Variants in SDK1 observed in about 807,000 individuals in gnomAD.
The protein encoded by SDK1 is sidekick cell adhesion molecule 1, also known as protein sidekick-1.
Under a neutral mutation model 245.5 loss-of-function variants are expected in SDK1, and 157 were observed. The observed-to-expected ratio is 0.64, with a 90% CI of 0.56 to 0.73. The LOEUF is 0.73. Ranked by LOEUF, SDK1 falls within the 30% of genes least tolerant of loss-of-function variation. SDK1 has a pLI of 0.00. For synonymous variants in SDK1, 1,647 were observed against 1,278.5 expected (o/e 1.29, Z -6.15); for missense variants, 3,583 against 3,002.3 (o/e 1.19, Z -4.52).
intron 44 of SDK1, among the ~76,000 whole-genome samples, chr7:4,259,778 G>C (rs1419976484): frequency 6.6e-6 from 1 of 152,184 alleles, no homozygotes; most frequent in African/African-American, 2.4e-5. Context: ...ATTTGGAATG[G>C]AGGGTTGTAC....
chr7:3,971,444 T>G, intron 11 of SDK1, 22 bp from the exon 12 acceptor site: 5 of 1,555,022 alleles, frequency 3.2e-6, no homozygotes, highest in Non-Finnish European at 2.7e-6. Flanking sequence ...TTCGTCTGAC[T>G]CGTGACTTGT....
chr7:3,980,735 A>G (rs753527092), intron 13 of SDK1, among the ~76,000 whole-genome samples: 17 of 152,196 alleles, frequency 1.1e-4, no homozygotes, highest in Non-Finnish European at 2.2e-4. Context: ...CGAGGTCAAG[A>G]TTTCAAGACC....
At chr7:4,119,878 G>A (rs1472934445) in intron 25 of SDK1, among the ~76,000 whole-genome samples, 1 of 148,942 alleles carries the variant, frequency 6.7e-6, no homozygotes, top group Non-Finnish European at 1.5e-5. Context: ...ATACATACAA[G>A]TCTGAGAGAA....
intron 1 of SDK1, among the ~76,000 whole-genome samples, chr7:3,572,566 C>G (rs1008335476): frequency 1.3e-5 from 2 of 152,002 alleles, no homozygotes; most frequent in Non-Finnish European, 1.5e-5. Context: ...CCTAGCAAAT[C>G]GTCTCACTGT....
chr7:3,848,254 G>A (rs1780330669), intron 5 of SDK1, among the ~76,000 whole-genome samples: 2 of 152,216 alleles, frequency 1.3e-5, no homozygotes, highest in African/African-American at 4.8e-5. Context: ...GGGCATTTAT[G>A]TTTTGGGGTC....
chr7:3,748,861 C>G (rs1356350738), intron 4 of SDK1, among the ~76,000 whole-genome samples: 2 of 152,108 alleles, frequency 1.3e-5, no homozygotes, highest in African/African-American at 2.4e-5. Context: ...ACAGCATCAC[C>G]GTTGTTCAGG....
intron 1 of SDK1, among the ~76,000 whole-genome samples, chr7:3,339,046 CTG>C (rs1780276987): frequency 6.6e-6 from 1 of 152,158 alleles, no homozygotes; most frequent in African/African-American, 2.4e-5. Flanking sequence ...ACATCCAAAA[CTG>C]TGTTGTTCAA....
intron 4 of SDK1, among the ~76,000 whole-genome samples, chr7:3,714,996 A>G (rs147096956): frequency 3.3e-5 from 5 of 152,216 alleles, no homozygotes; most frequent in African/African-American, 9.6e-5. Context: ...TTAAAACTCA[A>G]TTAAGTAAAA....
chr7:3,910,951 C>G (rs907753511), intron 5 of SDK1, among the ~76,000 whole-genome samples: 1 of 152,214 alleles, frequency 6.6e-6, no homozygotes, highest in Non-Finnish European at 1.5e-5. Flanking sequence ...TCTCCCCAAG[C>G]TCAGGCGTGC....
Position 4,245,809 on chromosome 7 carries a change from A to G in SDK1, c.6381+4A>G, listed in dbSNP as rs765321288. 1.9e-6 allele frequency: 3 copies of G among 1,613,652 alleles called. No individual in the cohort carries two copies. In the South Asian group the frequency reaches 3.3e-5, roughly 18 times the overall value. ...GGCAGATGCATCAGAATCTGAGGTC[A>G]GTGTCGGTGCCTACTTCCGGGCAGT... On this transcript the variant is annotated splice_donor_region_variant and intron_variant, in intron 44 of 44. Transcript: ENST00000404826.
intron 22 of SDK1, among the ~76,000 whole-genome samples, chr7:4,108,609 C>T (rs1783112436): frequency 2.0e-5 from 3 of 151,288 alleles, no homozygotes; most frequent in South Asian, 2.1e-4. Context: ...ACCTCCAGCT[C>T]GTTCTCTACC....
At chr7:3,657,162 T>A (rs917344156) in intron 4 of SDK1, among the ~76,000 whole-genome samples, 1 of 151,828 alleles carries the variant, frequency 6.6e-6, no homozygotes, top group Non-Finnish European at 1.5e-5. Context: ...TCAAGAAGAG[T>A]CACAGGGTGT....
chr7:3,672,865 C>G (rs1783762419), intron 4 of SDK1, among the ~76,000 whole-genome samples: 2 of 141,122 alleles, frequency 1.4e-5, no homozygotes, highest in Non-Finnish European at 3.0e-5. Context: ...AATGAGGGCC[C>G]CATCCCCACC....
rs776772572 is a variant in SDK1, at chr7:4,162,369, G to GTTGTTGTTATTA, written c.4800+515_4800+516insGTTGTTATTATT. ...GGTGGTGGTGGTGGTTGTTGTTGTT[G>GTTGTTGTTATTA]TTATTATTATTATTATTATTATTAT... On this transcript the variant is annotated intron_variant, in intron 32 of 44. Coordinates refer to ENST00000404826, the MANE Select transcript of SDK1 (RefSeq NM_152744.4). Among the ~76,000 whole-genome samples the GTTGTTGTTATTA allele has an allele frequency of 1.9e-4, 24 of 128,380 alleles. No homozygotes were observed. In the East Asian group the frequency reaches 2.3e-3, roughly 12 times the overall value. The allele number at this position is 128,380 out of a possible 152,430, so 84.2% of individuals were successfully genotyped here. A position where few individuals can be genotyped will look rare whatever the true frequency, so the allele number is the denominator to read the frequency against.
intron 5 of SDK1, among the ~76,000 whole-genome samples, chr7:3,888,741 C>T (rs1781392025): frequency 6.6e-6 from 1 of 152,112 alleles, no homozygotes; most frequent in South Asian, 2.1e-4. Context: ...ACAAAAAATC[C>T]TGGGAGAAAA....
Position 3,489,801 on chromosome 7 carries a change from A to G in SDK1, c.299-129279A>G, listed in dbSNP as rs530795918. On this transcript the variant is annotated intron_variant, in intron 1 of 44. Transcript: ENST00000404826. Reference sequence around the variant, plus strand: ...TCCTATTAAAATTTGATCACAAAGTATACATGGTAAATGCAGCAAGATTCA... The same window carrying G: ...TCCTATTAAAATTTGATCACAAAGTGTACATGGTAAATGCAGCAAGATTCA... Among the ~76,000 whole-genome samples the G allele has an allele frequency of 5.9e-5, 9 of 152,380 alleles. 1 individual carries two copies. In the South Asian group the frequency reaches 1.0e-3, roughly 18 times the overall value.
chr7:4,144,870 A>G (rs1001500596), intron 28 of SDK1, among the ~76,000 whole-genome samples: 1 of 152,122 alleles, frequency 6.6e-6, no homozygotes, highest in Non-Finnish European at 1.5e-5. Context: ...TTTGGAAGCC[A>G]CAGCGCCCCG....
intron 3 of SDK1, 146 bp from the exon 4 acceptor site, chr7:3,641,812 G>A (rs906381232): frequency 1.5e-6 from 1 of 678,234 alleles, no homozygotes; most frequent in Admixed American, 3.0e-5. Context: ...GCGTTGGTCA[G>A]CGCTGCCGTG....
intron 4 of SDK1, among the ~76,000 whole-genome samples, chr7:3,687,842 A>G (rs981782658): frequency 6.6e-6 from 1 of 152,168 alleles, no homozygotes; most frequent in African/African-American, 2.4e-5. Flanking sequence ...GTGCTGTTCT[A>G]TACTTCCGTA....
Sources: allele counts gnomAD v4.1 joint callset (sites outside exome capture counted in the v4.1 genomes callset), GRCh38; gene constraint gnomAD v4.1.1; transcripts MANE v1.5; gene names NCBI Gene and HGNC (gene_info 2026-07-23, HGNC 2026-07-21).